Variants in ANXA2 observed in about 807,000 individuals in gnomAD.
ANXA2 encodes annexin A2.
In ANXA2, 28 loss-of-function variants were observed where a neutral mutation model predicts 47.3. That is an observed-to-expected ratio of 0.59 (90% CI 0.44 to 0.81). ANXA2 has a LOEUF of 0.81. Ranked by LOEUF, ANXA2 falls within the 40% of genes least tolerant of loss-of-function variation. The probability of loss-of-function intolerance (pLI) is 0.00; values close to 1 mark genes in which losing one functional copy is unlikely to be tolerated. For synonymous variants in ANXA2, 172 were observed against 155.5 expected (o/e 1.11, Z -0.79); for missense variants, 384 against 414.3 (o/e 0.93, Z 0.64).
At chr15:60,377,709 C>G (rs926937320) in intron 3 of ANXA2, among the ~76,000 whole-genome samples, 1 of 152,138 alleles carries the variant, frequency 6.6e-6, no homozygotes, top group Non-Finnish European at 1.5e-5. Flanking sequence ...ACCATAATAT[C>G]TACACAGTGC....
At position 60,349,140 on chromosome 15, in the gene ANXA2, C is replaced by G; in HGVS notation, c.895G>C (p.Asp299His). ...AATTCAGACCTAATTTTCAACATGT[C>G]CACTTCACTGCGGGAGACCATGATT... is the stretch of plus-strand genomic sequence containing the variant. ...IRIMVSRSEVDMLKIRSEFKR... is the reference protein window; with the variant it reads ...IRIMVSRSEVHMLKIRSEFKR... The change falls in exon 12 of 13, where the codon GAC becomes CAC. Residue 299 changes from aspartate to histidine, a missense_variant. Physicochemically the swap from Asp to His is moderately conservative, Grantham distance 81. Transcript: ENST00000451270. 6.2e-7 allele frequency: 1 copy of G among 1,613,980 alleles called. No homozygotes were observed. Among genetic ancestry groups the G allele is most frequent in the Non-Finnish European group, 8.5e-7 (1 of 1,179,898 alleles).
chr15:60,382,867 T>C (rs1291213021), intron 2 of ANXA2: 1 of 157,136 alleles, frequency 6.4e-6, no homozygotes, highest in Non-Finnish European at 1.4e-5. Context: ...CATGAATTTC[T>C]ACTGGGCCAG....
chr15:60,366,403 GCATCTCTGCGCGGCCGCCCAT>G, intron 3 of ANXA2, among the ~76,000 whole-genome samples: 2 of 150,360 alleles, frequency 1.3e-5, no homozygotes, highest in Non-Finnish European at 3.0e-5. Context: ...GAAGTGAGGA[GCATCTCTGCGCGGCCGCCCAT>G]CGTCTGAGAT....
Position 60,381,405 on chromosome 15 carries a change from C to T in ANXA2, c.148+937G>A, listed in dbSNP as rs532383604. On this transcript the variant is annotated intron_variant, in intron 3 of 12. Transcript: ENST00000451270. ...AAGTGGAGAATCACAAAAGTCACCACGAGAGCTGCAATATTTTTCAGGGAT... is the reference window on the plus strand; with the variant it reads ...AAGTGGAGAATCACAAAAGTCACCATGAGAGCTGCAATATTTTTCAGGGAT... 7.2e-5 allele frequency among the ~76,000 whole-genome samples: 11 copies of T among 152,220 alleles called. No individual in the cohort carries two copies. The South Asian group carries it at 1.2e-3, about 17-fold the overall frequency.
chr15:60,357,235 C>T lies in ANXA2; in HGVS notation c.359G>A (p.Gly120Glu), dbSNP rs2062444843. ...DASELKASMKGLGTDEDSLIE... is the reference protein window; with the variant it reads ...DASELKASMKELGTDEDSLIE... The stretch of plus-strand genomic sequence containing the variant: ...GAGAGAGTCCTCGTCGGTTCCCAGC[C>T]CCTGTGAACCAGGAAGCACGAACAT... Residue 120 changes from glycine (G) to glutamate (E), a missense_variant and splice_region_variant, in exon 6 of 13, where the codon GGG (glycine) becomes GAG (glutamate). Physicochemically the swap from Gly to Glu is moderately conservative, Grantham distance 98 (BLOSUM62 -2). Transcript: ENST00000451270. The T allele has an allele frequency of 6.2e-7, 1 of 1,613,780 alleles. No homozygotes were observed. The highest frequency in any genetic ancestry group is 8.5e-7 in the Non-Finnish European group (1 of 1,179,746).
intron 1 of ANXA2, chr15:60,390,730 G>A: frequency 5.7e-6 from 1 of 174,334 alleles, no homozygotes; most frequent in South Asian, 1.4e-4. Flanking sequence ...TTGAGGTTAT[G>A]TCCAAAAAAC....
chr15:60,383,123 T>G (rs1048269022), intron 2 of ANXA2: 4 of 152,932 alleles, frequency 2.6e-5, no homozygotes, highest in Middle Eastern at 3.4e-3. Context: ...CCAATGCTTT[T>G]CTTTTCTTTT....
intron 5 of ANXA2, among the ~76,000 whole-genome samples, chr15:60,360,680 T>A (rs537856223): frequency 6.6e-6 from 1 of 152,218 alleles, no homozygotes; most frequent in African/African-American, 2.4e-5. Flanking sequence ...TTTTCCCAAA[T>A]GGTATTCCAA....
At chr15:60,380,099 G>T (rs565578868) in intron 3 of ANXA2, among the ~76,000 whole-genome samples, 10 of 152,290 alleles carry the variant, frequency 6.6e-5, no homozygotes, top group Admixed American at 1.3e-4. Context: ...AAATAGGATG[G>T]GTTTTAGGAA....
intron 1 of ANXA2, 95 bp from the exon 2 acceptor site, chr15:60,386,181 A>G (rs1021898846): frequency 9.5e-6 from 8 of 843,890 alleles, no homozygotes; most frequent in East Asian, 2.5e-5. Flanking sequence ...TCCTTGGACC[A>G]TTTCATCTGA....
chr15:60,366,813 G>T (rs2062620121), intron 3 of ANXA2, among the ~76,000 whole-genome samples: 1 of 129,608 alleles, frequency 7.7e-6, no homozygotes, highest in Non-Finnish European at 1.7e-5. Context: ...GGGGGGGGGG[G>T]GGGTCGGCCA....
intron 3 of ANXA2, among the ~76,000 whole-genome samples, chr15:60,377,740 G>A (rs925395589): frequency 1.3e-5 from 2 of 152,218 alleles, no homozygotes; most frequent in Middle Eastern, 6.8e-3. Context: ...GGACCATGAA[G>A]TGACGTACGT....
At position 60,360,974 on chromosome 15, in the gene ANXA2, C is replaced by G. The variant is rs748724713; in HGVS notation, c.324G>C (p.Gln108His). Residue 108 changes from glutamine to histidine, a missense_variant, in exon 5 of 13, where the codon CAG becomes CAC. Coordinates refer to ENST00000451270, the MANE Select transcript of ANXA2 (RefSeq NM_004039.3). ...AAGCTTTTAGCTCAGAAGCGTCATA[C>G]TGAGCAGGTGTCTTCAATAGGCCCA... ...VILGLLKTPA[Q>H]YDASELKASM... 6.2e-7 allele frequency: 1 copy of G among 1,613,214 alleles called. No individual in the cohort carries two copies. Among genetic ancestry groups the G allele is most frequent in the Non-Finnish European group, 8.5e-7 (1 of 1,179,170 alleles).
At chr15:60,353,591 T>C (rs1316607737) in intron 8 of ANXA2, among the ~76,000 whole-genome samples, 1 of 152,204 alleles carries the variant, frequency 6.6e-6, no homozygotes, top group Non-Finnish European at 1.5e-5. Context: ...GGGTTTAAAA[T>C]ACGGCCAGAA....
chr15:60,378,551 T>C (rs2140899343), intron 3 of ANXA2, among the ~76,000 whole-genome samples: 1 of 152,346 alleles, frequency 6.6e-6, no homozygotes, highest in Middle Eastern at 3.4e-3. Flanking sequence ...GAATATCATA[T>C]TCTTTCTTCG....
intron 1 of ANXA2, chr15:60,394,456 T>A (rs1411277624): frequency 6.6e-6 from 1 of 152,300 alleles, no homozygotes; most frequent in Middle Eastern, 3.2e-3. Flanking sequence ...CCCAGCAGTT[T>A]GGGAAGCCGA....
chr15:60,393,333 A>C (rs930447691), intron 1 of ANXA2: 4 of 1,003,168 alleles, frequency 4.0e-6, no homozygotes, highest in Non-Finnish European at 4.8e-6. Context: ...GAATGATGTC[A>C]CTTGGCATGA....
At chr15:60,358,171 T>G (rs2062461303) in intron 5 of ANXA2, among the ~76,000 whole-genome samples, 1 of 152,226 alleles carries the variant, frequency 6.6e-6, no homozygotes, top group South Asian at 2.1e-4. Context: ...CTTCAGGCAC[T>G]TTAGGGAAGC....
intron 2 of ANXA2, chr15:60,383,745 T>A (rs752484488): frequency 1.4e-5 from 2 of 142,832 alleles, no homozygotes; most frequent in Non-Finnish European, 3.1e-5. Flanking sequence ...AATGCCCGTA[T>A]AATGTGATGA....
Sources: allele counts gnomAD v4.1 joint callset (sites outside exome capture counted in the v4.1 genomes callset), GRCh38; gene constraint gnomAD v4.1.1; transcripts MANE v1.5; gene names NCBI Gene and HGNC (gene_info 2026-07-23, HGNC 2026-07-21).